ANKRD27: variants seen among roughly 807,000 people sequenced by gnomAD.
ANKRD27 encodes the protein ankyrin repeat domain 27, also known as ankyrin repeat domain-containing protein 27.
Under a neutral mutation model 129.7 loss-of-function variants are expected in ANKRD27, and 112 were observed. That is an observed-to-expected ratio of 0.86 (90% confidence interval 0.74 to 1.01). The LOEUF is 1.01. ANKRD27 is among the 50% of genes least tolerant of loss of function. The pLI is 0.00. For synonymous variants in ANKRD27, 516 were observed against 511.2 expected (o/e 1.01, Z -0.13); for missense variants, 1,258 against 1,300.5 (o/e 0.97, Z 0.50).
intron 1 of ANKRD27, among the ~76,000 whole-genome samples, chr19:32,669,724 G>T (rs564850096): frequency 2.2e-4 from 34 of 152,138 alleles, no homozygotes; most frequent in Non-Finnish European, 5.9e-5. Flanking sequence ...GTGGTCGGGC[G>T]TGGTGGCTCA....
At position 32,644,586 on chromosome 19, in the gene ANKRD27, A is replaced by T. The variant is rs534148231; in HGVS notation, c.371-107T>A. 5 of 1,286,260 alleles carry T rather than the reference A, an allele frequency of 3.9e-6. No homozygotes were observed. The East Asian group carries it at 1.2e-4, about 30-fold the overall frequency. The allele number at this position is 1,286,260 out of a possible 1,614,324, so 79.7% of individuals were successfully genotyped here. A position where few individuals can be genotyped will look rare whatever the true frequency, so the allele number is the denominator to read the frequency against. On this transcript the variant is annotated intron_variant, in intron 4 of 28. Transcript: ENST00000306065. The stretch of plus-strand genomic sequence containing the variant: ...TCTGGGGAGGAGGGCAAATGTCCTT[A>T]TTTCAAGACACTACACAAGAACAGC...
At chr19:32,644,660 C>T (rs1967268440) in intron 4 of ANKRD27, among the ~76,000 whole-genome samples, 181 bp from the exon 5 acceptor site, 1 of 152,244 alleles carries the variant, frequency 6.6e-6, no homozygotes, top group African/African-American at 2.4e-5. Context: ...CTCTCAAGGC[C>T]TCTTCCTGGG....
intron 12 of ANKRD27, among the ~76,000 whole-genome samples, chr19:32,634,558 T>C (rs1967055490): frequency 6.6e-6 from 1 of 152,078 alleles, no homozygotes; most frequent in South Asian, 2.1e-4. Flanking sequence ...ACACTATCCT[T>C]AGGGGCATCC....
chr19:32,631,311 G>T (rs1966987676), intron 13 of ANKRD27, 91 bp downstream of exon 13: 1 of 1,203,954 alleles, frequency 8.3e-7, no homozygotes, highest in Non-Finnish European at 1.2e-6. Context: ...GAGCCACCAT[G>T]CCTGGCCAAC....
intron 3 of ANKRD27, among the ~76,000 whole-genome samples, chr19:32,647,595 G>A (rs1309418102): frequency 1.3e-5 from 2 of 152,224 alleles, no homozygotes; most frequent in African/African-American, 4.8e-5. Flanking sequence ...GTGGCGCTGT[G>A]ACAGGGAGAG....
intron 3 of ANKRD27, 27 bp from the exon 4 acceptor site, chr19:32,646,642 C>T: frequency 1.9e-6 from 3 of 1,605,576 alleles, no homozygotes; most frequent in Non-Finnish European, 2.6e-6. Flanking sequence ...CATCACTGCA[C>T]CAGCAGCCGG....
intron 12 of ANKRD27, among the ~76,000 whole-genome samples, chr19:32,631,769 C>T (rs1403606917): frequency 1.3e-5 from 2 of 152,190 alleles, no homozygotes; most frequent in East Asian, 1.9e-4. Flanking sequence ...CCATCTCCAG[C>T]GTGGAATGCG....
intron 11 of ANKRD27, 77 bp from the exon 12 acceptor site, chr19:32,639,565 G>A: frequency 2.7e-6 from 4 of 1,494,204 alleles, no homozygotes; most frequent in Non-Finnish European, 3.7e-6. Context: ...ATTGGCTTGG[G>A]CAACTGATCA....
chr19:32,630,313 G>T (rs567490550), intron 13 of ANKRD27, among the ~76,000 whole-genome samples: 1 of 152,166 alleles, frequency 6.6e-6, no homozygotes, highest in Non-Finnish European at 1.5e-5. Context: ...CTCTGCCCTC[G>T]CCCAGCACTC....
At chr19:32,613,076 G>A (rs147703233) in intron 22 of ANKRD27, among the ~76,000 whole-genome samples, 2,643 of 83,114 alleles carry the variant, frequency 0.032, 75 homozygotes, top group African/African-American at 0.085. Context: ...TAAATTCAAC[G>A]ATAAAGCCAA....
At chr19:32,632,584 CAAAAAA>C (rs531083631) in intron 12 of ANKRD27, among the ~76,000 whole-genome samples, 31 of 105,254 alleles carry the variant, frequency 2.9e-4, no homozygotes, top group Non-Finnish European at 5.1e-4. Context: ...GACTCCATCT[CAAAAAA>C]AAAAAAAAAA....
Position 32,628,063 on chromosome 19 carries a change from G to T in ANKRD27, c.1420+20C>A. On this transcript the variant is annotated intron_variant, in intron 15 of 28. Transcript: ENST00000306065. ...CCCTTTGCTGTGACAGCCCCTAGGG[G>T]CCAGCCCAGGACCACATACCACAGA... The T allele has an allele frequency of 1.2e-6, 2 of 1,611,954 alleles. No homozygotes were observed. Among genetic ancestry groups the T allele is most frequent in the Non-Finnish European group, 1.7e-6 (2 of 1,178,354 alleles).
chr19:32,650,749 TATTTA>T (rs1967399469), intron 2 of ANKRD27, among the ~76,000 whole-genome samples: 1 of 93,326 alleles, frequency 1.1e-5, no homozygotes, highest in African/African-American at 4.1e-5. Flanking sequence ...TTTACGCTTT[TATTTA>T]TTTTTTTTTT....
At chr19:32,671,807 T>C (rs929218284) in intron 1 of ANKRD27, among the ~76,000 whole-genome samples, 4 of 152,220 alleles carry the variant, frequency 2.6e-5, no homozygotes, top group Admixed American at 6.5e-5. Context: ...AAACTTCTTT[T>C]AAAAAATTCC....
intron 2 of ANKRD27, 138 bp downstream of exon 2, chr19:32,658,776 C>T (rs1967591648): frequency 1.3e-6 from 1 of 746,388 alleles, no homozygotes; most frequent in Admixed American, 2.1e-5. Flanking sequence ...CCCCTCGCTG[C>T]TCACTCACAG....
chr19:32,608,817 C>T (rs1012850320), intron 22 of ANKRD27, among the ~76,000 whole-genome samples: 2 of 151,730 alleles, frequency 1.3e-5, no homozygotes, highest in Non-Finnish European at 2.9e-5. Context: ...CCAGGTGTGG[C>T]GGCACCTGCC....
chr19:32,601,593 C>G (rs866231642), intron 26 of ANKRD27, among the ~76,000 whole-genome samples: 1 of 124,396 alleles, frequency 8.0e-6, no homozygotes, highest in South Asian at 2.5e-4. Context: ...GCCTGGGTGA[C>G]AGAGCGAGAC....
intron 17 of ANKRD27, among the ~76,000 whole-genome samples, chr19:32,625,032 G>T (rs916209858): frequency 6.6e-6 from 1 of 152,182 alleles, no homozygotes; most frequent in South Asian, 2.1e-4. Context: ...TGAGGTGGAA[G>T]ATCACCTGGG....
At chr19:32,607,926 A>G (rs1971772243) in intron 22 of ANKRD27, 94 bp from the exon 23 acceptor site, 1 of 1,265,912 alleles carries the variant, frequency 7.9e-7, no homozygotes, top group African/African-American at 1.5e-5. Flanking sequence ...CAGCTCCCAC[A>G]CACAATGCGG....
Sources: allele counts gnomAD v4.1 joint callset (sites outside exome capture counted in the v4.1 genomes callset), GRCh38; gene constraint gnomAD v4.1.1; transcripts MANE v1.5; gene names NCBI Gene and HGNC (gene_info 2026-07-23, HGNC 2026-07-21).